ATP11A: variants seen among roughly 807,000 people sequenced by gnomAD.
ATP11A encodes the protein phospholipid-transporting ATPase IH.
In ATP11A, 81 loss-of-function variants were observed where a neutral mutation model predicts 154.4. The observed-to-expected ratio is 0.52, with a 90% CI of 0.44 to 0.63. ATP11A has a LOEUF of 0.63. Among genes scored for constraint, ATP11A ranks in the 30% least tolerant of loss-of-function variants. The pLI is 0.00. For missense variants in ATP11A, 1,316 were observed against 1,474.3 expected, an observed-to-expected ratio of 0.89 and a Z score of 1.76; for synonymous variants, 623 against 585.9, an observed-to-expected ratio of 1.06 and a Z score of -0.91.
intron 28 of ATP11A, among the ~76,000 whole-genome samples, chr13:112,877,704 CG>C (rs1221058275): frequency 6.6e-6 from 1 of 152,154 alleles, no homozygotes; most frequent in East Asian, 1.9e-4. Context: ...GAGTTGAACT[CG>C]GGGGGTTAGG....
At chr13:112,834,252 C>T (rs1014369588) in intron 14 of ATP11A, among the ~76,000 whole-genome samples, 1 of 152,214 alleles carries the variant, frequency 6.6e-6, no homozygotes, top group Non-Finnish European at 1.5e-5. Flanking sequence ...ACAAAGTCCA[C>T]GAATCAATGA....
intron 1 of ATP11A, among the ~76,000 whole-genome samples, chr13:112,712,377 G>A (rs183916505): frequency 5.9e-5 from 9 of 152,306 alleles, no homozygotes; most frequent in Non-Finnish European, 1.0e-4. Context: ...GCTAGGTGGT[G>A]TCATTTAAAT....
At chr13:112,719,757 G>A (rs755560319) in intron 1 of ATP11A, among the ~76,000 whole-genome samples, 5 of 152,164 alleles carry the variant, frequency 3.3e-5, no homozygotes, top group Non-Finnish European at 4.4e-5. Context: ...GAGAAAAACC[G>A]GTCTGTTTTG....
rs549635650 is a variant in ATP11A, at chr13:112,774,946, A to G, written c.40-10189A>G. Among the ~76,000 whole-genome samples the G allele has an allele frequency of 4.3e-3, 662 of 152,300 alleles. 5 individuals are homozygous for G. The highest frequency in any genetic ancestry group is 0.015 in the African/African-American group (623 of 41,574). ...CACCTTCCCCCGTCACGGGAGCCGC[A>G]GAGTTGCAAGACCCTGGGGAATGGA... On this transcript the variant is annotated intron_variant, in intron 1 of 29. Transcript: ENST00000375645.
At chr13:112,725,881 C>T (rs749276892) in intron 1 of ATP11A, among the ~76,000 whole-genome samples, 4 of 152,198 alleles carry the variant, frequency 2.6e-5, no homozygotes, top group African/African-American at 9.7e-5. Flanking sequence ...GACTCAGGAG[C>T]CCCTCCCCGG....
intron 8 of ATP11A, 30 bp from the exon 9 acceptor site, chr13:112,823,315 G>T: frequency 6.3e-7 from 1 of 1,597,950 alleles, no homozygotes; most frequent in Non-Finnish European, 8.6e-7. Flanking sequence ...CTTCGTGTCC[G>T]CATCATTTCT....
At chr13:112,872,246 C>T (rs1041039398) in intron 26 of ATP11A, among the ~76,000 whole-genome samples, 5 of 152,212 alleles carry the variant, frequency 3.3e-5, no homozygotes, top group African/African-American at 1.2e-4. Flanking sequence ...CAGACTGAGT[C>T]TTAAAAAGTG....
rs560559296 is a variant in ATP11A at position 112,853,280 on chromosome 13, A to G, written c.1992-999A>G. 2.3e-3 allele frequency among the ~76,000 whole-genome samples: 343 copies of G among 150,760 alleles called. 1 individual carries two copies. The highest frequency in any genetic ancestry group is 4.3e-3 in the Non-Finnish European group (294 of 67,992). ...TATATATGCACACACACATATGTAC[A>G]TACACACACACACACATATATATAT... is the stretch of plus-strand genomic sequence containing the variant. On this transcript the variant is annotated intron_variant, in intron 18 of 29. Coordinates refer to ENST00000375645, the MANE Select transcript of ATP11A (RefSeq NM_015205.3).
rs986139498 is a variant in ATP11A at position 112,754,955 on chromosome 13, C to T, written c.40-30180C>T. The stretch of plus-strand genomic sequence containing the variant: ...TGTGCCTGACCTGCTCCGCGGTGGG[C>T]GCAGAGCTCCTGCCGAGGGCTGGAT... On this transcript the variant is annotated intron_variant, in intron 1 of 29. Coordinates refer to ENST00000375645, the MANE Select transcript of ATP11A (RefSeq NM_015205.3). This position sits in a 1 kb window ranked among gnomAD's most constrained non-coding sequence, Gnocchi z 5.3. Among the ~76,000 whole-genome samples, 4 of 152,206 alleles carry T rather than the reference C, an allele frequency of 2.6e-5. No homozygotes were observed. The highest frequency in any genetic ancestry group is 7.2e-5 in the African/African-American group (3 of 41,456).
At position 112,840,166 on chromosome 13, in the gene ATP11A, A is replaced by AGCC. The variant is rs745839856; in HGVS notation, c.1706-2110_1706-2109insGCC. On this transcript the variant is annotated intron_variant, in intron 16 of 29. Coordinates refer to ENST00000375645, the MANE Select transcript of ATP11A (RefSeq NM_015205.3). The stretch of plus-strand genomic sequence containing the variant: ...CCAGCCTCAGCCTCCCCACTCTCCC[A>AGCC]TCCCCCCCAGCCTCAGCCTCCCCAC... 1.4e-4 allele frequency among the ~76,000 whole-genome samples: 4 copies of AGCC among 29,414 alleles called. 1 individual carries two copies. The highest frequency in any genetic ancestry group is 2.5e-4 in the Non-Finnish European group (4 of 15,714). The allele number at this position is 29,414 out of a possible 152,430, so 19.3% of individuals were successfully genotyped here. A position where few individuals can be genotyped will look rare whatever the true frequency, so the allele number is the denominator to read the frequency against.
At chr13:112,751,155 G>A (rs2076680876) in intron 1 of ATP11A, among the ~76,000 whole-genome samples, 2 of 152,222 alleles carry the variant, frequency 1.3e-5, no homozygotes, top group Admixed American at 6.5e-5. Flanking sequence ...GATGAACACC[G>A]GTGTAAGCGC....
At chr13:112,763,424 A>ACC (rs1418295973) in intron 1 of ATP11A, among the ~76,000 whole-genome samples, 3 of 152,166 alleles carry the variant, frequency 2.0e-5, no homozygotes, top group Non-Finnish European at 2.9e-5. Context: ...ACTCTAGTGT[A>ACC]CCCTCACATG....
intron 23 of ATP11A, 115 bp from the exon 24 acceptor site, chr13:112,860,172 G>T: frequency 8.0e-7 from 1 of 1,246,054 alleles, no homozygotes; most frequent in South Asian, 1.5e-5. Context: ...GTTAAGCTTT[G>T]AAAAGCGCTC....
intron 25 of ATP11A, among the ~76,000 whole-genome samples, chr13:112,865,429 C>T (rs2080297390): frequency 6.6e-6 from 1 of 151,566 alleles, no homozygotes; most frequent in African/African-American, 2.4e-5. Context: ...CAGTGCAGGC[C>T]ATGCAGCTTC....
intron 1 of ATP11A, among the ~76,000 whole-genome samples, chr13:112,704,016 T>G (rs1168403408): frequency 6.6e-6 from 1 of 152,132 alleles, no homozygotes; most frequent in African/African-American, 2.4e-5. Context: ...GTCTTACCGT[T>G]GACAAAATTG....
In ATP11A at chr13:112,696,302, G is replaced by A. The variant is rs1453149119; in HGVS notation, c.39+5847G>A. Among the ~76,000 whole-genome samples the A allele has an allele frequency of 2.0e-5, 3 of 152,168 alleles. No individual in the cohort carries two copies. The East Asian group carries it at 5.8e-4, about 29-fold the overall frequency. ...GACCGCCTCTCACCTTGGGCTTTCC[G>A]GAACCTTCTCCCCGCACTCCTCTTC... On this transcript the variant is annotated intron_variant, in intron 1 of 29. Coordinates refer to ENST00000375645, the MANE Select transcript of ATP11A (RefSeq NM_015205.3). The surrounding 1 kb of genome is among the most constrained non-coding windows in gnomAD (Gnocchi z 6.2).
At position 112,822,687 on chromosome 13, in the gene ATP11A, G is replaced by A. The variant is rs1411491592; in HGVS notation, c.726-658G>A. The stretch of plus-strand genomic sequence containing the variant: ...GTTCACCTGAGCCCAGGAGGTCAAG[G>A]CTGCAATGAGCTATGATCGTGCCCC... On this transcript the variant is annotated intron_variant, in intron 8 of 29. Coordinates refer to ENST00000375645, the MANE Select transcript of ATP11A (RefSeq NM_015205.3). 2.6e-5 allele frequency among the ~76,000 whole-genome samples: 4 copies of A among 151,154 alleles called. No individual in the cohort carries two copies. In the South Asian group the frequency reaches 8.4e-4, roughly 32 times the overall value.
intron 18 of ATP11A, among the ~76,000 whole-genome samples, chr13:112,852,361 G>C (rs1566572494): frequency 6.6e-6 from 1 of 152,206 alleles, no homozygotes; most frequent in Non-Finnish European, 1.5e-5. Context: ...TGTTCCTTGA[G>C]TTCTCGATCT....
At chr13:112,731,940 G>GA (rs1555309805) in intron 1 of ATP11A, among the ~76,000 whole-genome samples, 1 of 144,882 alleles carries the variant, frequency 6.9e-6, no homozygotes, top group Non-Finnish European at 1.5e-5. Context: ...ATGGGGGCGG[G>GA]GGGGGGCAGG....
Sources: allele counts gnomAD v4.1 joint callset (sites outside exome capture counted in the v4.1 genomes callset), GRCh38; gene constraint gnomAD v4.1.1; non-coding constraint Gnocchi (gnomAD v3.1); transcripts MANE v1.5; gene names NCBI Gene and HGNC (gene_info 2026-07-23, HGNC 2026-07-21).